LHB: variants seen among roughly 807,000 people sequenced by gnomAD.
The protein encoded by LHB is luteinizing hormone subunit beta, also known as lutropin subunit beta.
A neutral mutation model predicts 10.6 loss-of-function variants in LHB; 11 were observed. The observed-to-expected ratio is 1.04, with a 90% confidence interval of 0.66 to 1.72. LHB has a LOEUF of 1.72. Among genes scored for constraint, LHB ranks in the 40% most tolerant of loss-of-function variants. The pLI, the probability that LHB is intolerant of heterozygous loss-of-function variation, is 0.00. For missense variants in LHB, 184 were observed against 197.3 expected, an observed-to-expected ratio of 0.93 and a Z score of 0.41; for synonymous variants, 86 against 83.1, an observed-to-expected ratio of 1.03 and a Z score of -0.19.
At chr19:49,017,951 G>C, upstream of LHB, 1 of 398,648 alleles carries the variant, frequency 2.5e-6, no homozygotes, top group Admixed American at 4.4e-5. Context: ...GTCTGGGGTG[G>C]GGCTGGCCCT....
intron 1 of LHB, 67 bp from the exon 2 acceptor site, chr19:49,016,781 G>C: frequency 1.0e-5 from 16 of 1,602,476 alleles, no homozygotes; most frequent in Non-Finnish European, 1.4e-5. Context: ...TTCCCATCCC[G>C]CGTGGTACAC....
Position 49,016,293 on chromosome 19 carries a change from C to T in LHB, c.201G>A (p.Ala67=), listed in dbSNP as rs149579838. 2.1e-4 allele frequency: 345 copies of T among 1,611,340 alleles called. No homozygotes were observed. Among genetic ancestry groups the T allele is most frequent in the Middle Eastern group, 1.3e-3 (6 of 4,706 alleles). The part of the protein sequence containing the change: ...YCPTMMRVLQ[A]VLPPLPQVVC... ...CCACCTGAGGCAGGGGCGGCAGGACCGCCTGCAGCACGCGCATCTGGAGGC... is the reference window on the plus strand; with the variant it reads ...CCACCTGAGGCAGGGGCGGCAGGACTGCCTGCAGCACGCGCATCTGGAGGC... Residue 67 remains alanine (A), a synonymous_variant, in exon 3 of 3, where the codon GCG becomes GCA. Coordinates refer to ENST00000649238, the MANE Select transcript of LHB (RefSeq NM_000894.3).
At chr19:49,019,000 C>T, upstream of LHB, 1 of 1,532,330 alleles carries the variant, frequency 6.5e-7, no homozygotes, top group Non-Finnish European at 8.7e-7. Context: ...GCAATTAGAG[C>T]CTGAGCAAGA....
chr19:49,016,008 G>A lies in LHB; in HGVS notation c.*60C>T, dbSNP rs1409964564. The A allele has an allele frequency of 1.2e-6, 2 of 1,614,164 alleles. No individual in the cohort carries two copies. Among genetic ancestry groups the A allele is most frequent in the Admixed American group, 3.3e-5 (2 of 60,030 alleles). ...GGATTGAGAAGCCTTTATTGTGGGA[G>A]GATCGGGGTGTCAGGGCTCCAGGAG... On this transcript the variant is annotated 3_prime_UTR_variant, in exon 3 of 3. Coordinates refer to ENST00000649238, the MANE Select transcript of LHB (RefSeq NM_000894.3).
chr19:49,017,519 A>G, upstream of LHB: 1 of 1,124,724 alleles, frequency 8.9e-7, no homozygotes, highest in Non-Finnish European at 1.1e-6. Flanking sequence ...GCTGCTTCGG[A>G]CTTAGCTTCT....
At chr19:49,016,863 A>G (rs1166976519) in intron 1 of LHB, 149 bp from the exon 2 acceptor site, 6 of 1,572,862 alleles carry the variant, frequency 3.8e-6, no homozygotes, top group Non-Finnish European at 5.2e-6. Flanking sequence ...CCTGCCTTTC[A>G]GAGCCCACCC....
rs34349826 is a variant in LHB, at chr19:49,016,626, A to G, written c.104T>C (p.Ile35Thr). The G allele has an allele frequency of 0.071, 113,612 of 1,593,286 alleles. 5,079 individuals are homozygous for G. The highest frequency in any genetic ancestry group is 0.08 in the Middle Eastern group (397 of 4,936). ...GCAGCCCTCCTTCTCGACAGCCAGG[A>G]TGGCATTGATGGGGTGGCACCATGG... ...LRPWCHPINA[I>T]LAVEKEGCPV... Residue 35 changes from isoleucine to threonine, a missense_variant, in exon 2 of 3, where the codon ATC becomes ACC. By Grantham distance (89) the Ile-to-Thr change is moderately conservative (BLOSUM62 -1). Transcript: ENST00000649238.
At chr19:49,019,445 A>C (rs577819941), upstream of LHB, 2 of 1,255,866 alleles carry the variant, frequency 1.6e-6, no homozygotes, top group African/African-American at 1.5e-5. Flanking sequence ...GCTCCGCAGC[A>C]GCTTAGGAGC....
At chr19:49,018,041 C>G (rs2039588524), upstream of LHB, 1 of 398,682 alleles carries the variant, frequency 2.5e-6, no homozygotes, top group African/African-American at 2.1e-5. Flanking sequence ...GCTGTAGATG[C>G]CCCGCAGGGG....
intron 2 of LHB, 111 bp from the exon 3 acceptor site, chr19:49,016,421 T>C (rs1289634569): frequency 1.3e-6 from 2 of 1,599,698 alleles, no homozygotes; most frequent in Non-Finnish European, 1.7e-6. Flanking sequence ...AAGCCCTCTG[T>C]TCCTGCCTTC....
upstream of LHB, chr19:49,018,338 G>C (rs926927784): frequency 2.1e-5 from 25 of 1,218,206 alleles, no homozygotes; most frequent in Non-Finnish European, 2.6e-5. Context: ...GGACAGCTCC[G>C]TCCTGTGGGA....
Position 49,016,419 on chromosome 19 carries a change from T to C in LHB, c.184-109A>G, listed in dbSNP as rs1341319303. 25 of 1,599,272 alleles carry C rather than the reference T, an allele frequency of 1.6e-5. No homozygotes were observed. The East Asian group carries it at 5.6e-4, about 36-fold the overall frequency. ...GGACTCAGGAGCCCAGGAAGCCCTC[T>C]GTTCCTGCCTTCCCACACCCCATTC... On this transcript the variant is annotated intron_variant, in intron 2 of 2. Coordinates refer to ENST00000649238, the MANE Select transcript of LHB (RefSeq NM_000894.3).
upstream of LHB, chr19:49,019,006 C>T: frequency 6.5e-7 from 1 of 1,531,612 alleles, no homozygotes; most frequent in African/African-American, 1.4e-5. Flanking sequence ...AGAGCCTGAG[C>T]AAGATTGGGG....
chr19:49,017,744 C>T (rs759166453), upstream of LHB: 18 of 426,342 alleles, frequency 4.2e-5, no homozygotes, highest in East Asian at 4.3e-4. Context: ...GCGTGTCTTG[C>T]CCCCGGGGCC....
At chr19:49,018,204 G>A (rs1377794353), upstream of LHB, 10 of 499,762 alleles carry the variant, frequency 2.0e-5, no homozygotes, top group African/African-American at 1.4e-4. Flanking sequence ...CGCGGCACGC[G>A]GACCCGCGGT....
At chr19:49,016,416 C>T in intron 2 of LHB, 106 bp from the exon 3 acceptor site, 4 of 1,599,452 alleles carry the variant, frequency 2.5e-6, no homozygotes, top group Non-Finnish European at 3.4e-6. Context: ...CCAGGAAGCC[C>T]TCTGTTCCTG....
upstream of LHB, chr19:49,017,570 G>T (rs3795046): frequency 0.056 from 59,513 of 1,055,298 alleles, 2,547 homozygotes; most frequent in Middle Eastern, 0.074. Context: ...TGCTGCCAGG[G>T]AAGCCACTTG....
upstream of LHB, chr19:49,017,938 C>T: frequency 7.5e-6 from 3 of 398,428 alleles, no homozygotes; most frequent in South Asian, 1.3e-4. Context: ...GCCCTGGGGG[C>T]GGGTCTGGGG....
rs1568645893 is a variant in LHB, at chr19:49,016,095, G to C, written c.399C>G (p.Pro133=). ...PKDHPLTCDH[P]QLSGLLFL is the part of the protein sequence containing the mutation. ...AGAGGAAGAGGAGGCCTGAGAGTTG[G>C]GGGTGGTCACAGGTCAAGGGGTGGT... The change falls in exon 3 of 3, where the codon CCC becomes CCG. Residue 133 remains proline, a synonymous_variant. Coordinates refer to ENST00000649238, the MANE Select transcript of LHB (RefSeq NM_000894.3). The C allele has an allele frequency of 6.2e-7, 1 of 1,613,070 alleles. No individual in the cohort carries two copies. The highest frequency in any genetic ancestry group is 8.5e-7 in the Non-Finnish European group (1 of 1,180,042).
Sources: gnomAD v4.1 joint callset for allele counts on GRCh38, gnomAD v4.1.1 for gene constraint, MANE v1.5 for transcripts, NCBI Gene and HGNC (gene_info 2026-07-23, HGNC 2026-07-21) for gene names.